NKAIN2: variants seen among roughly 807,000 people sequenced by gnomAD.
NKAIN2 encodes sodium/potassium-transporting ATPase subunit beta-1-interacting protein 2.
A neutral mutation model predicts 32.6 loss-of-function variants in NKAIN2; 14 were observed. The ratio of observed to expected loss-of-function variants is 0.43; its 90% CI spans 0.28 to 0.67. The LOEUF is 0.67. Ranked by LOEUF, NKAIN2 falls within the 30% of genes least tolerant of loss-of-function variation. The probability of loss-of-function intolerance (pLI) is 0.17; values close to 1 mark genes in which losing one functional copy is unlikely to be tolerated. For synonymous variants in NKAIN2, 80 were observed against 87.2 expected (o/e 0.92, Z 0.46); for missense variants, 198 against 258.3 (o/e 0.77, Z 1.60).
At chr6:124,026,537 A>G (rs1020788918) in intron 1 of NKAIN2, among the ~76,000 whole-genome samples, 42 of 152,282 alleles carry the variant, frequency 2.8e-4, no homozygotes, top group African/African-American at 9.4e-4. Context: ...ATGTGAAGCA[A>G]GCCTATAAAG....
intron 1 of NKAIN2, among the ~76,000 whole-genome samples, chr6:124,193,585 C>T (rs1343597070): frequency 2.6e-5 from 4 of 152,158 alleles, no homozygotes; most frequent in African/African-American, 9.7e-5. Context: ...CTCTTCTCTC[C>T]TTGTCACCCG....
intron 3 of NKAIN2, among the ~76,000 whole-genome samples, chr6:124,621,296 T>C (rs1459834288): frequency 6.6e-6 from 1 of 152,252 alleles, no homozygotes; most frequent in Non-Finnish European, 1.5e-5. Flanking sequence ...TCTGGAATTA[T>C]ACTAAGTGCC....
chr6:124,578,718 G>A (rs1489164573), intron 3 of NKAIN2, among the ~76,000 whole-genome samples: 1 of 152,108 alleles, frequency 6.6e-6, no homozygotes, highest in African/African-American at 2.4e-5. Context: ...AGGGCCTTGA[G>A]TGAACGTAAG....
chr6:124,740,329 C>G (rs1777141538), intron 4 of NKAIN2, among the ~76,000 whole-genome samples: 1 of 151,602 alleles, frequency 6.6e-6, no homozygotes, highest in Non-Finnish European at 1.5e-5. Context: ...CTACTAAATG[C>G]CAAGCTCTGT....
At chr6:123,828,751 C>G (rs931147072) in intron 1 of NKAIN2, 8 of 152,000 alleles carry the variant, frequency 5.3e-5, no homozygotes, top group African/African-American at 1.9e-4. Context: ...TGTACCCTCT[C>G]TCATCTCAGG....
At chr6:124,749,103 C>T (rs977832148) in intron 4 of NKAIN2, among the ~76,000 whole-genome samples, 1 of 151,822 alleles carries the variant, frequency 6.6e-6, no homozygotes, top group Non-Finnish European at 1.5e-5. Context: ...GAGGTTGTGT[C>T]ACTGAGTCCT....
rs766287196 is a variant in NKAIN2, at chr6:124,224,849, C to T, written c.55-58156C>T. 3.4e-4 allele frequency among the ~76,000 whole-genome samples: 51 copies of T among 151,976 alleles called. 1 individual carries two copies. The highest frequency in any genetic ancestry group is 6.2e-4 in the Non-Finnish European group (42 of 67,924). On this transcript the variant is annotated intron_variant, in intron 1 of 6. Coordinates refer to ENST00000368417, the MANE Select transcript of NKAIN2 (RefSeq NM_001040214.3). ...GATTCAACAATTCATTTTTAGTGCT[C>T]ATGACGACTGGGTGTAGTAATTTAG...
At chr6:124,291,341 A>C (rs1218239993) in intron 2 of NKAIN2, among the ~76,000 whole-genome samples, 2 of 138,196 alleles carry the variant, frequency 1.4e-5, no homozygotes, top group Non-Finnish European at 3.0e-5. Context: ...CCTATTTAAA[A>C]ATTGTGTAGT....
intron 1 of NKAIN2, among the ~76,000 whole-genome samples, chr6:123,827,515 A>G (rs984107304): frequency 2.6e-5 from 4 of 152,288 alleles, no homozygotes; most frequent in Middle Eastern, 3.4e-3. Context: ...GCCAGTAAGA[A>G]GTATCAATTT....
At chr6:124,185,439 C>T (rs556406275) in intron 1 of NKAIN2, among the ~76,000 whole-genome samples, 1 of 152,186 alleles carries the variant, frequency 6.6e-6, no homozygotes, top group African/African-American at 2.4e-5. Context: ...AAAATAAATG[C>T]TGATACAAAG....
intron 3 of NKAIN2, among the ~76,000 whole-genome samples, chr6:124,512,611 T>C (rs1583364279): frequency 6.6e-6 from 1 of 152,288 alleles, no homozygotes; most frequent in Non-Finnish European, 1.5e-5. Context: ...CAACTCAAAG[T>C]AGTCAGGCTG....
chr6:124,243,832 G>A (rs943371090), intron 1 of NKAIN2, among the ~76,000 whole-genome samples: 4 of 151,992 alleles, frequency 2.6e-5, no homozygotes, highest in Non-Finnish European at 5.9e-5. Flanking sequence ...AAGTGACCAC[G>A]TTATATACAG....
rs371739713 is a variant in NKAIN2, at chr6:124,459,462, T to C, written c.273+104115T>C. On this transcript the variant is annotated intron_variant, in intron 3 of 6. Transcript: ENST00000368417. The stretch of plus-strand genomic sequence containing the variant: ...ATGGATAAGTGTCATGTTAAAATCT[T>C]GTTCTGTCATGAATATAAGCTGAGT... Among the ~76,000 whole-genome samples, 6 of 152,036 alleles carry C rather than the reference T, an allele frequency of 3.9e-5. No individual in the cohort carries two copies. In the East Asian group the frequency reaches 5.8e-4, roughly 15 times the overall value.
chr6:124,744,928 C>A (rs181034763), intron 4 of NKAIN2, among the ~76,000 whole-genome samples: 123 of 151,958 alleles, frequency 8.1e-4, no homozygotes, highest in African/African-American at 2.8e-3. Flanking sequence ...TCATCCTTGG[C>A]TACGTGCTAA....
intron 1 of NKAIN2, among the ~76,000 whole-genome samples, chr6:123,956,197 A>G (rs1448157131): frequency 2.0e-5 from 3 of 152,196 alleles, no homozygotes; most frequent in African/African-American, 7.2e-5. Flanking sequence ...AGGAAGGAAA[A>G]AAGGAAAACC....
intron 1 of NKAIN2, among the ~76,000 whole-genome samples, chr6:124,260,257 T>C (rs2114839719): frequency 6.6e-6 from 1 of 152,272 alleles, no homozygotes; most frequent in Non-Finnish European, 1.5e-5. Flanking sequence ...GGAGCTTACA[T>C]CCTAGTGGGG....
chr6:124,378,281 C>A (rs1800079925), intron 3 of NKAIN2, among the ~76,000 whole-genome samples: 1 of 152,086 alleles, frequency 6.6e-6, no homozygotes, highest in South Asian at 2.1e-4. Context: ...CAGCAAAAGC[C>A]TAGGATTCAT....
At chr6:124,188,283 G>C (rs906378139) in intron 1 of NKAIN2, among the ~76,000 whole-genome samples, 1 of 152,156 alleles carries the variant, frequency 6.6e-6, no homozygotes, top group Non-Finnish European at 1.5e-5. Context: ...ATGGGGACTA[G>C]CTGGGCAAGT....
At chr6:124,138,045 A>T (rs1786912666) in intron 1 of NKAIN2, among the ~76,000 whole-genome samples, 1 of 152,144 alleles carries the variant, frequency 6.6e-6, no homozygotes, top group Non-Finnish European at 1.5e-5. Flanking sequence ...GCAAAGAAAT[A>T]ATCTGCAGAA....
Sources: allele counts gnomAD v4.1 joint callset (sites outside exome capture counted in the v4.1 genomes callset), GRCh38; gene constraint gnomAD v4.1.1; transcripts MANE v1.5; gene names NCBI Gene and HGNC (gene_info 2026-07-23, HGNC 2026-07-21).